The following DPY19L1 variants were observed in gnomAD, a reference collection of about 807,000 sequenced individuals.
The protein encoded by DPY19L1 is protein C-mannosyl-transferase DPY19L1.
In DPY19L1, 35 loss-of-function variants were observed where a neutral mutation model predicts 96.9. That is an observed-to-expected ratio of 0.36 (90% confidence interval 0.28 to 0.48). DPY19L1 has a LOEUF of 0.48. Among genes scored for constraint, DPY19L1 ranks in the 20% least tolerant of loss-of-function variants. DPY19L1 has a pLI of 0.99. For missense variants in DPY19L1, 521 were observed against 777.9 expected (o/e 0.67, Z 3.93); for synonymous variants, 205 against 252.6 (o/e 0.81, Z 1.79).
At chr7:35,031,448 C>A (rs939951556) in intron 1 of DPY19L1, among the ~76,000 whole-genome samples, 2 of 152,014 alleles carry the variant, frequency 1.3e-5, no homozygotes, top group Non-Finnish European at 2.9e-5. Context: ...GTCCTTGAAC[C>A]AATCCCTCGG....
At chr7:35,025,728 C>T (rs1164399674) in intron 1 of DPY19L1, among the ~76,000 whole-genome samples, 1 of 152,188 alleles carries the variant, frequency 6.6e-6, no homozygotes, top group Non-Finnish European at 1.5e-5. Context: ...GCTTTCAGCA[C>T]TCCAAGAACA....
chr7:34,934,565 C>T (rs542762065), intron 21 of DPY19L1, among the ~76,000 whole-genome samples: 46 of 152,280 alleles, frequency 3.0e-4, no homozygotes, highest in Admixed American at 2.0e-3. Flanking sequence ...TCTAGAGCAG[C>T]GGTCCCCGGT....
chr7:35,018,547 C>T (rs1419370381), intron 2 of DPY19L1, 25 bp downstream of exon 2: 1 of 1,600,396 alleles, frequency 6.2e-7, no homozygotes, highest in Non-Finnish European at 8.5e-7. Flanking sequence ...GCATAAAATA[C>T]CATAGGAGAA....
intron 5 of DPY19L1, 74 bp downstream of exon 5, chr7:35,011,256 T>C: frequency 6.5e-7 from 1 of 1,527,560 alleles, no homozygotes; most frequent in Non-Finnish European, 9.0e-7. Context: ...AAGTTTACAG[T>C]GTAAGTTTAT....
intron 13 of DPY19L1, among the ~76,000 whole-genome samples, chr7:34,951,538 A>C (rs1288946085): frequency 6.6e-6 from 1 of 152,028 alleles, no homozygotes; most frequent in East Asian, 1.9e-4. Flanking sequence ...TATAAGATAC[A>C]TAAAAGAGTA....
At chr7:35,035,189 C>G (rs2128685071) in intron 1 of DPY19L1, among the ~76,000 whole-genome samples, 1 of 152,356 alleles carries the variant, frequency 6.6e-6, no homozygotes, top group Non-Finnish European at 1.5e-5. Context: ...AGACCTGGGT[C>G]TGTTCATCCA....
In DPY19L1 at chr7:35,024,963, T is replaced by C. The variant is rs114911507; in HGVS notation, c.299-6367A>G. Among the ~76,000 whole-genome samples, 397 of 152,334 alleles carry C rather than the reference T, an allele frequency of 2.6e-3. 3 individuals are homozygous for C. The highest frequency in any genetic ancestry group is 9.3e-3 in the African/African-American group (387 of 41,570). On this transcript the variant is annotated intron_variant, in intron 1 of 21. Transcript: ENST00000638088. The stretch of plus-strand genomic sequence containing the variant: ...AACTACAACCATATAAGATAAATTA[T>C]AGAATGCACTCAATTAAACAAAAAT...
intron 13 of DPY19L1, among the ~76,000 whole-genome samples, chr7:34,953,841 T>C (rs1002845270): frequency 3.3e-5 from 5 of 152,176 alleles, no homozygotes; most frequent in African/African-American, 9.7e-5. Flanking sequence ...ACCCTTGTTC[T>C]TATGAAAACC....
At chr7:34,983,585 T>C (rs574505148) in intron 7 of DPY19L1, among the ~76,000 whole-genome samples, 2 of 150,246 alleles carry the variant, frequency 1.3e-5, no homozygotes, top group African/African-American at 4.9e-5. Flanking sequence ...ATTTACCAGA[T>C]AGTGATAATA....
chr7:34,962,286 G>A (rs1784516479), intron 10 of DPY19L1, among the ~76,000 whole-genome samples: 2 of 152,330 alleles, frequency 1.3e-5, no homozygotes, highest in East Asian at 3.9e-4. Context: ...GAGCTATCAA[G>A]CCATGAAAAG....
At chr7:35,007,544 A>G (rs1459120225) in intron 6 of DPY19L1, among the ~76,000 whole-genome samples, 1 of 152,050 alleles carries the variant, frequency 6.6e-6, no homozygotes, top group Non-Finnish European at 1.5e-5. Flanking sequence ...TTTACACCAA[A>G]ACTACAGTAA....
chr7:34,965,682 G>T (rs1311677088), intron 10 of DPY19L1, among the ~76,000 whole-genome samples: 11 of 151,870 alleles, frequency 7.2e-5, no homozygotes, highest in African/African-American at 2.4e-4. Flanking sequence ...AAATTATTAA[G>T]AAAATGAAAA....
intron 7 of DPY19L1, among the ~76,000 whole-genome samples, chr7:34,976,062 T>C (rs1562813446): frequency 6.6e-6 from 1 of 152,220 alleles, no homozygotes; most frequent in Non-Finnish European, 1.5e-5. Flanking sequence ...TCATTTCAAC[T>C]TTCAGGTCTT....
chr7:35,006,088 T>C (rs1054825440), intron 6 of DPY19L1, among the ~76,000 whole-genome samples: 51 of 152,180 alleles, frequency 3.4e-4, no homozygotes, highest in African/African-American at 1.2e-3. Flanking sequence ...CTGGCACCCT[T>C]TTCAAAAGAG....
At chr7:34,974,744 GTC>G (rs1784797624) in intron 7 of DPY19L1, among the ~76,000 whole-genome samples, 1 of 152,058 alleles carries the variant, frequency 6.6e-6, no homozygotes, top group Non-Finnish European at 1.5e-5. Flanking sequence ...CACAGATAAC[GTC>G]TGTCACAAAT....
chr7:34,938,902 T>C (rs1783930772), intron 20 of DPY19L1, among the ~76,000 whole-genome samples: 1 of 152,122 alleles, frequency 6.6e-6, no homozygotes, highest in African/African-American at 2.4e-5. Flanking sequence ...AAATGACTTC[T>C]CCAAACTCAA....
At chr7:35,012,962 T>TAA (rs1785751067) in intron 4 of DPY19L1, among the ~76,000 whole-genome samples, 1 of 152,064 alleles carries the variant, frequency 6.6e-6, no homozygotes, top group Non-Finnish European at 1.5e-5. Context: ...TATATATATA[T>TAA]AAAATCAATG....
chr7:35,033,342 C>G (rs1431394512), intron 1 of DPY19L1, among the ~76,000 whole-genome samples: 1 of 152,066 alleles, frequency 6.6e-6, no homozygotes, highest in Admixed American at 6.5e-5. Context: ...TCACAATGTG[C>G]AATTATTTTC....
chr7:34,952,166 A>AAT (rs1275622779), intron 13 of DPY19L1, among the ~76,000 whole-genome samples: 1 of 151,526 alleles, frequency 6.6e-6, no homozygotes, highest in East Asian at 1.9e-4. Flanking sequence ...ATAGAAGACC[A>AAT]ATATTAATTC....
Sources: allele counts gnomAD v4.1 joint callset (sites outside exome capture counted in the v4.1 genomes callset), GRCh38; gene constraint gnomAD v4.1.1; transcripts MANE v1.5; gene names NCBI Gene and HGNC (gene_info 2026-07-23, HGNC 2026-07-21).